Variants in MNAT1 observed in about 807,000 individuals in gnomAD.
MNAT1 encodes CDK-activating kinase assembly factor MAT1.
A neutral mutation model predicts 42.0 loss-of-function variants in MNAT1; 43 were observed. The observed-to-expected ratio is 1.02, with a 90% CI of 0.80 to 1.32. The LOEUF is 1.32. Ranked by LOEUF, MNAT1 falls within the 40% of genes most tolerant of loss-of-function variation. The probability of loss-of-function intolerance (pLI) is 0.00; values close to 1 mark genes in which losing one functional copy is unlikely to be tolerated. For missense variants in MNAT1, 306 were observed against 350.4 expected (o/e 0.87, Z 1.01); for synonymous variants, 118 against 120.0 (o/e 0.98, Z 0.11).
At chr14:60,956,466 G>A (rs919206640) in intron 7 of MNAT1, among the ~76,000 whole-genome samples, 2 of 152,152 alleles carry the variant, frequency 1.3e-5, no homozygotes, top group Non-Finnish European at 2.9e-5. Flanking sequence ...AGAAGAATGT[G>A]TATTCTGCTG....
chr14:60,771,507 A>G (rs559519100), intron 1 of MNAT1, among the ~76,000 whole-genome samples: 3 of 152,318 alleles, frequency 2.0e-5, no homozygotes, highest in Non-Finnish European at 4.4e-5. Context: ...GAGCCTTAAA[A>G]TAAGTAATTT....
At chr14:60,940,702 C>G (rs1035417838) in intron 7 of MNAT1, among the ~76,000 whole-genome samples, 3 of 152,148 alleles carry the variant, frequency 2.0e-5, no homozygotes, top group African/African-American at 7.2e-5. Flanking sequence ...CAGCCGTGAG[C>G]CACTGCACCT....
In MNAT1 at chr14:60,902,560, T is replaced by C. The variant is rs547673476; in HGVS notation, c.809+22725T>C. ...TGTACATTTGAAAATTTTTATAAAA[T>C]ACTGTGAATCAAGTAATGAAACATC... is the stretch of plus-strand genomic sequence containing the variant. On this transcript the variant is annotated intron_variant, in intron 7 of 7. Transcript: ENST00000261245. Among the ~76,000 whole-genome samples, 76 of 152,268 alleles carry C rather than the reference T, an allele frequency of 5.0e-4. 2 individuals carry two copies. The Middle Eastern group carries it at 0.027, about 55-fold the overall frequency.
chr14:60,907,198 C>T (rs2035218230), intron 7 of MNAT1, among the ~76,000 whole-genome samples: 1 of 152,032 alleles, frequency 6.6e-6, no homozygotes, highest in African/African-American at 2.4e-5. Context: ...TCCCAACACC[C>T]TCGAGGCAGG....
intron 1 of MNAT1, among the ~76,000 whole-genome samples, chr14:60,781,994 A>G (rs1265716908): frequency 2.7e-5 from 4 of 148,680 alleles, no homozygotes; most frequent in African/African-American, 4.9e-5. Flanking sequence ...TTTTTTTAAC[A>G]GAAGTATACT....
chr14:60,846,222 G>A (rs1348066435), intron 6 of MNAT1, among the ~76,000 whole-genome samples: 1 of 150,634 alleles, frequency 6.6e-6, no homozygotes, highest in African/African-American at 2.4e-5. Flanking sequence ...CTAGAAATTG[G>A]TCAGTTTCTT....
At chr14:60,880,073 A>C (rs1229686456) in intron 7 of MNAT1, 1 of 276,314 alleles carries the variant, frequency 3.6e-6, no homozygotes, top group Non-Finnish European at 6.7e-6. Context: ...TGTCCTTGGC[A>C]GCCATATTGA....
At chr14:60,848,335 C>G (rs1238781072) in intron 6 of MNAT1, among the ~76,000 whole-genome samples, 1 of 152,110 alleles carries the variant, frequency 6.6e-6, no homozygotes, top group Non-Finnish European at 1.5e-5. Flanking sequence ...TTAAGATTTT[C>G]TCTTTGTGTT....
chr14:60,956,465 T>C (rs1297034070), intron 7 of MNAT1, among the ~76,000 whole-genome samples: 1 of 152,226 alleles, frequency 6.6e-6, no homozygotes, highest in East Asian at 1.9e-4. Context: ...AAGAAGAATG[T>C]GTATTCTGCT....
chr14:60,893,409 G>A lies in MNAT1; in HGVS notation c.809+13574G>A, dbSNP rs1477199232. Among the ~76,000 whole-genome samples the A allele has an allele frequency of 2.0e-5, 3 of 151,620 alleles. No individual in the cohort carries two copies. In the East Asian group the frequency reaches 5.8e-4, roughly 29 times the overall value. On this transcript the variant is annotated intron_variant, in intron 7 of 7. Transcript: ENST00000261245. ...TTCTTAACTCCTCCTCTTATCTTTGGGTTTGATTCTGTTGACTGTTTTGTG... is the reference window on the plus strand; with the variant it reads ...TTCTTAACTCCTCCTCTTATCTTTGAGTTTGATTCTGTTGACTGTTTTGTG...
chr14:60,847,077 C>A (rs954744800), intron 6 of MNAT1, among the ~76,000 whole-genome samples: 3 of 151,980 alleles, frequency 2.0e-5, no homozygotes, highest in Admixed American at 2.0e-4. Context: ...TTATGAAATG[C>A]TTTTGTCTCT....
At chr14:60,836,713 A>T (rs1399936012) in intron 6 of MNAT1, among the ~76,000 whole-genome samples, 1 of 152,180 alleles carries the variant, frequency 6.6e-6, no homozygotes, top group Admixed American at 6.5e-5. Flanking sequence ...GGAGGCACGG[A>T]GGTCAGGGAC....
chr14:60,869,040 A>ATATATATATATATATATATATATAT (rs1465360826), intron 6 of MNAT1, among the ~76,000 whole-genome samples: 63 of 113,022 alleles, frequency 5.6e-4, no homozygotes, highest in Non-Finnish European at 9.1e-4. Context: ...ATATATATAT[A>ATATATATATATATATATATATATAT]TTTTTTTTTT....
chr14:60,818,296 AGGATCATTTCCAAACG>A (rs978504422), intron 5 of MNAT1, among the ~76,000 whole-genome samples: 1 of 152,054 alleles, frequency 6.6e-6, no homozygotes, highest in African/African-American at 2.4e-5. Flanking sequence ...AAATAGAACA[AGGATCATTTCCAAACG>A]GTCTCAGGTG....
chr14:60,883,043 G>T (rs370904024), intron 7 of MNAT1, among the ~76,000 whole-genome samples: 56 of 152,038 alleles, frequency 3.7e-4, no homozygotes, highest in South Asian at 3.3e-3. Context: ...TTGTCTCTTT[G>T]TTCATCGATT....
chr14:60,852,063 T>A (rs749264526), intron 6 of MNAT1, among the ~76,000 whole-genome samples: 23 of 152,030 alleles, frequency 1.5e-4, no homozygotes, highest in Non-Finnish European at 2.9e-4. Flanking sequence ...TTGGGATTGC[T>A]GGGTCAAATG....
rs2031502568 is a variant in MNAT1, at chr14:60,782,609, T to C, written c.90-13608T>C. ...TAATATTTCTAATGGCTAATGTTTA[T>C]TGAGAGTGTACTATGTGTCTGGTAT... On this transcript the variant is annotated intron_variant, in intron 1 of 7. Transcript: ENST00000261245. Among the ~76,000 whole-genome samples, 3 of 152,204 alleles carry C rather than the reference T, an allele frequency of 2.0e-5. No individual in the cohort carries two copies. In the South Asian group the frequency reaches 6.2e-4, roughly 31 times the overall value.
At position 60,951,858 on chromosome 14, in the gene MNAT1, A is replaced by G. The variant is rs377185590; in HGVS notation, c.810-16371A>G. ...AAGGCATACTGTTATAGAGATTCAT[A>G]TTTGCTTCTGACAAATTCCTGTTGG... On this transcript the variant is annotated intron_variant, in intron 7 of 7. Coordinates refer to ENST00000261245, the MANE Select transcript of MNAT1 (RefSeq NM_002431.4). 2.6e-4 allele frequency among the ~76,000 whole-genome samples: 39 copies of G among 151,860 alleles called. No homozygotes were observed. In the East Asian group the frequency reaches 5.0e-3, roughly 20 times the overall value.
chr14:60,885,277 C>T (rs2034639505), intron 7 of MNAT1, among the ~76,000 whole-genome samples: 1 of 151,948 alleles, frequency 6.6e-6, no homozygotes, highest in African/African-American at 2.4e-5. Flanking sequence ...AATAAACGTT[C>T]TACCCTCATC....
Sources: allele counts gnomAD v4.1 joint callset (sites outside exome capture counted in the v4.1 genomes callset), GRCh38; gene constraint gnomAD v4.1.1; transcripts MANE v1.5; gene names NCBI Gene and HGNC (gene_info 2026-07-23, HGNC 2026-07-21).